The following CPA6 variants were observed in gnomAD, a reference collection of about 807,000 sequenced individuals.
CPA6 encodes carboxypeptidase B.
CPA6 carries 58 observed loss-of-function variants against 63.3 expected under a neutral mutation model. The ratio of observed to expected loss-of-function variants is 0.92; its 90% CI spans 0.74 to 1.14. The LOEUF is 1.14. Ranked by LOEUF, CPA6 falls within the 50% of genes most tolerant of loss-of-function variation. The pLI is 0.00. For missense variants in CPA6, 565 were observed against 526.6 expected (o/e 1.07, Z -0.71); for synonymous variants, 185 against 179.0 (o/e 1.03, Z -0.27).
At position 67,746,348 on chromosome 8, in the gene CPA6, A is replaced by AAGCAGC. The variant is rs144013159; in HGVS notation, c.-225_-220dup. ...TGCTATTACGACTTGGTCTTGGGAC[A>AAGCAGC]AGCAGCAGCAGCAGCAGCAGCAGCT... On this transcript the variant is annotated 5_prime_UTR_variant, in exon 1 of 11. Coordinates refer to ENST00000297770, the MANE Select transcript of CPA6 (RefSeq NM_020361.5). 14 of 403,836 alleles carry AAGCAGC rather than the reference A, an allele frequency of 3.5e-5. No individual in the cohort carries two copies. Among genetic ancestry groups the AAGCAGC allele is most frequent in the African/African-American group, 1.4e-4 (7 of 50,010 alleles). The allele number at this position is 403,836 out of a possible 1,614,324, so 25.0% of individuals were successfully genotyped here. A position where few individuals can be genotyped will look rare whatever the true frequency, so the allele number is the denominator to read the frequency against.
intron 2 of CPA6, among the ~76,000 whole-genome samples, chr8:67,552,774 CAAAAA>C (rs762395117): frequency 2.4e-4 from 5 of 20,940 alleles, no homozygotes; most frequent in East Asian, 2.3e-3. Flanking sequence ...AAGACTGTCT[CAAAAA>C]AAAAAAAAAA....
chr8:67,477,862 G>C (rs1035817917), intron 8 of CPA6, among the ~76,000 whole-genome samples: 1 of 152,182 alleles, frequency 6.6e-6, no homozygotes, highest in Non-Finnish European at 1.5e-5. Context: ...GCCAGACTCA[G>C]CACTTCATCA....
At position 67,652,300 on chromosome 8, in the gene CPA6, T is replaced by A. The variant is rs544409178; in HGVS notation, c.117-28049A>T. 1.9e-3 allele frequency among the ~76,000 whole-genome samples: 297 copies of A among 152,308 alleles called. 1 individual carries two copies. The highest frequency in any genetic ancestry group is 3.5e-3 in the Non-Finnish European group (241 of 68,030). On this transcript the variant is annotated intron_variant, in intron 1 of 10. Coordinates refer to ENST00000297770, the MANE Select transcript of CPA6 (RefSeq NM_020361.5). Reference sequence around the variant, plus strand: ...GTCAAATCATATTTCTAGTTCTAGATCCCTGAGGAATCGCCACACTGACTT... The same window carrying A: ...GTCAAATCATATTTCTAGTTCTAGAACCCTGAGGAATCGCCACACTGACTT...
In CPA6 at chr8:67,545,752, AG is replaced by A. The variant is rs200843020; in HGVS notation, c.193-27706del. Among the ~76,000 whole-genome samples the A allele has an allele frequency of 7.9e-3, 1,200 of 151,918 alleles. 16 individuals are homozygous for A. The highest frequency in any genetic ancestry group is 0.028 in the African/African-American group (1,141 of 41,440). ...TAATTTTTGTATTTTTAGTAGAGAC[AG>A]GGTTTCTCCATGTTGGTTAGTCTGG... On this transcript the variant is annotated intron_variant, in intron 2 of 10. Coordinates refer to ENST00000297770, the MANE Select transcript of CPA6 (RefSeq NM_020361.5).
At chr8:67,583,505 G>A (rs1813831834) in intron 2 of CPA6, among the ~76,000 whole-genome samples, 2 of 152,116 alleles carry the variant, frequency 1.3e-5, no homozygotes, top group South Asian at 4.1e-4. Flanking sequence ...GTGAATTGTG[G>A]CTGAATAAAA....
intron 8 of CPA6, among the ~76,000 whole-genome samples, chr8:67,475,894 CTTTCTTT>C: frequency 1.6e-5 from 1 of 63,548 alleles, no homozygotes; most frequent in African/African-American, 7.8e-5. Flanking sequence ...TTCTTTCTTT[CTTTCTTT>C]CTTTCTTTCT....
At chr8:67,624,310 C>T in intron 1 of CPA6, 59 bp from the exon 2 acceptor site, 1 of 918,868 alleles carries the variant, frequency 1.1e-6, no homozygotes. Context: ...TATTAGTCAT[C>T]TCTTTCTTAC....
intron 1 of CPA6, among the ~76,000 whole-genome samples, chr8:67,728,559 C>T (rs1424457639): frequency 1.3e-5 from 2 of 152,152 alleles, no homozygotes; most frequent in Admixed American, 6.5e-5. Flanking sequence ...TGATAACAAA[C>T]GTCTTTCCAT....
chr8:67,563,192 C>G (rs1462751015), intron 2 of CPA6, among the ~76,000 whole-genome samples: 7 of 151,334 alleles, frequency 4.6e-5, no homozygotes, highest in African/African-American at 1.7e-4. Context: ...AAATAGGAAC[C>G]ATAAAAATGT....
At chr8:67,462,274 A>C (rs1387341282) in intron 8 of CPA6, among the ~76,000 whole-genome samples, 1 of 152,118 alleles carries the variant, frequency 6.6e-6, no homozygotes, top group East Asian at 1.9e-4. Context: ...ACATCTATTG[A>C]TCTTACCTTG....
chr8:67,728,733 T>C (rs1817651096), intron 1 of CPA6, among the ~76,000 whole-genome samples: 1 of 152,234 alleles, frequency 6.6e-6, no homozygotes, highest in Non-Finnish European at 1.5e-5. Context: ...TCAATATTAG[T>C]TCTATTTTAG....
At chr8:67,551,725 C>T (rs1326827818) in intron 2 of CPA6, among the ~76,000 whole-genome samples, 1 of 152,092 alleles carries the variant, frequency 6.6e-6, no homozygotes, top group African/African-American at 2.4e-5. Context: ...TCCTCTTGCA[C>T]AGAACTTTCA....
chr8:67,724,248 C>T (rs1817555774), intron 1 of CPA6, among the ~76,000 whole-genome samples: 1 of 152,170 alleles, frequency 6.6e-6, no homozygotes, highest in Admixed American at 6.5e-5. Context: ...CTCACACTCA[C>T]CTCTTTTCTC....
chr8:67,664,338 T>C (rs1361782666), intron 1 of CPA6, among the ~76,000 whole-genome samples: 1 of 152,200 alleles, frequency 6.6e-6, no homozygotes, highest in African/African-American at 2.4e-5. Flanking sequence ...GTAAATATTA[T>C]AAAAGTTACA....
At position 67,563,392 on chromosome 8, in the gene CPA6, A is replaced by G. The variant is rs1587567244; in HGVS notation, c.193-45345T>C. Among the ~76,000 whole-genome samples, 6 of 152,344 alleles carry G rather than the reference A, an allele frequency of 3.9e-5. 1 individual carries two copies. Among genetic ancestry groups the G allele is most frequent in the Admixed American group, 3.9e-4 (6 of 15,304 alleles). On this transcript the variant is annotated intron_variant, in intron 2 of 10. Transcript: ENST00000297770. ...AGGTTTTTGTATTAAGTGAGATCAT[A>G]TATGTAAAGAACATGAGTGACTGGC...
At chr8:67,423,089 G>A (rs527735995) in intron 10 of CPA6, among the ~76,000 whole-genome samples, 1 of 151,912 alleles carries the variant, frequency 6.6e-6, no homozygotes, top group East Asian at 1.9e-4. Flanking sequence ...TCCCAGAAAT[G>A]TCTTTTTTTT....
At chr8:67,518,415 C>T (rs1439305498) in intron 2 of CPA6, among the ~76,000 whole-genome samples, 2 of 151,810 alleles carry the variant, frequency 1.3e-5, no homozygotes, top group African/African-American at 2.4e-5. Context: ...TTCATCCTAC[C>T]ACATAAGAAC....
intron 2 of CPA6, among the ~76,000 whole-genome samples, chr8:67,519,008 C>G (rs143301537): frequency 6.6e-6 from 1 of 152,122 alleles, no homozygotes; most frequent in African/African-American, 2.4e-5. Context: ...ATGTAAGCTC[C>G]GGGAGGGCAA....
intron 1 of CPA6, among the ~76,000 whole-genome samples, chr8:67,719,461 G>T (rs1817449677): frequency 6.6e-6 from 1 of 152,116 alleles, no homozygotes; most frequent in Middle Eastern, 3.2e-3. Context: ...GGAAAGGCAA[G>T]GGCTGCAGTG....
Sources: allele counts gnomAD v4.1 joint callset (sites outside exome capture counted in the v4.1 genomes callset), GRCh38; gene constraint gnomAD v4.1.1; transcripts MANE v1.5; gene names NCBI Gene and HGNC (gene_info 2026-07-23, HGNC 2026-07-21).